Variants in CYP2C8 observed in about 807,000 individuals in gnomAD.
CYP2C8 encodes cytochrome P450 family 2 subfamily C member 8.
A neutral mutation model predicts 41.3 loss-of-function variants in CYP2C8; 51 were observed. That is an observed-to-expected ratio of 1.24 (90% CI 0.99 to 1.56). CYP2C8 has a LOEUF of 1.56. CYP2C8 is among the 40% of genes most tolerant of loss of function. CYP2C8 has a pLI of 0.00. For missense variants in CYP2C8, 651 were observed against 579.9 expected (o/e 1.12, Z -1.26); for synonymous variants, 218 against 205.8 (o/e 1.06, Z -0.51).
chr10:95,042,748 CA>C (rs1282650366), intron 7 of CYP2C8, 141 bp downstream of exon 7: 1 of 750,492 alleles, frequency 1.3e-6, no homozygotes, highest in African/African-American at 1.7e-5. Flanking sequence ...TAGCCCCAAA[CA>C]AAATAGCAGA....
At chr10:95,039,278 C>T in intron 7 of CYP2C8, 1 of 497,158 alleles carries the variant, frequency 2.0e-6, no homozygotes, top group Admixed American at 3.4e-5. Context: ...ATGTGTTCTC[C>T]AGATCATCAA....
In CYP2C8 at chr10:95,067,354, A is replaced by ATTTAT. The variant is rs1472101529; in HGVS notation, c.334_335insATAAA (p.Ile112AsnfsTer47). The ATTTAT allele has an allele frequency of 1.9e-6, 3 of 1,600,146 alleles. No individual in the cohort carries two copies. Among genetic ancestry groups the ATTTAT allele is most frequent in the Non-Finnish European group, 2.5e-6 (3 of 1,177,176 alleles). On this transcript the variant is annotated frameshift_variant, in exon 3 of 9. Coordinates refer to ENST00000371270, the MANE Select transcript of CYP2C8 (RefSeq NM_000770.3). LOFTEE classifies it high-confidence loss of function. ...CCATCTCTTTCCATTGCTGGAAATG[A>ATTTAT]TTCCTAATAAAAAAAGGGGCAGAAA...
chr10:95,066,984 A>G (rs2033582539), intron 3 of CYP2C8, among the ~76,000 whole-genome samples: 1 of 152,208 alleles, frequency 6.6e-6, no homozygotes, highest in African/African-American at 2.4e-5. Context: ...ATAGGATTAA[A>G]TGACCTTTTA....
rs2134445259 is a variant in CYP2C8, at chr10:95,069,460, C to T, written c.-58G>A. The T allele has an allele frequency of 7.4e-7, 1 of 1,350,514 alleles. No individual in the cohort carries two copies. Among genetic ancestry groups the T allele is most frequent in the East Asian group, 2.3e-5 (1 of 43,702 alleles). The allele number at this position is 1,350,514 out of a possible 1,614,324, so 83.7% of individuals were successfully genotyped here. On this transcript the variant is annotated 5_prime_UTR_variant, in exon 1 of 9. Coordinates refer to ENST00000371270, the MANE Select transcript of CYP2C8 (RefSeq NM_000770.3). ...AGCTTGCACTCCAAAGTTTTTATAACACTCCCTGCTAATTTAGTGTGTGTC... is the reference window on the plus strand; with the variant it reads ...AGCTTGCACTCCAAAGTTTTTATAATACTCCCTGCTAATTTAGTGTGTGTC...
intron 4 of CYP2C8, 47 bp downstream of exon 4, chr10:95,064,753 C>A: frequency 6.3e-7 from 1 of 1,579,684 alleles, no homozygotes; most frequent in Non-Finnish European, 8.7e-7. Flanking sequence ...GTCTTCCCTA[C>A]AACCTTGAAT....
intron 5 of CYP2C8, among the ~76,000 whole-genome samples, chr10:95,051,136 A>G (rs2033207934): frequency 6.6e-6 from 1 of 152,164 alleles, no homozygotes; most frequent in South Asian, 2.1e-4. Flanking sequence ...AGATAAACAT[A>G]ACGAAGAGAC....
At chr10:95,037,370 A>G in intron 8 of CYP2C8, 61 bp from the exon 9 acceptor site, 2 of 1,479,108 alleles carry the variant, frequency 1.4e-6, no homozygotes, top group Non-Finnish European at 1.9e-6. Flanking sequence ...TGTGACAAAC[A>G]GTCATTTGTG....
At chr10:95,067,430 T>G (rs1280831429) in intron 2 of CYP2C8, 73 bp from the exon 3 acceptor site, 1 of 1,613,196 alleles carries the variant, frequency 6.2e-7, no homozygotes, top group East Asian at 2.2e-5. Flanking sequence ...TTGGCAGCCA[T>G]GCAGATAGGC....
intron 5 of CYP2C8, among the ~76,000 whole-genome samples, chr10:95,046,748 TAAAAAA>T (rs56702266): frequency 1.0e-4 from 13 of 128,982 alleles, no homozygotes; most frequent in Non-Finnish European, 1.6e-4. Context: ...CTAAATATGG[TAAAAAA>T]AAAAAAAAAA....
At position 95,058,464 on chromosome 10, in the gene CYP2C8, G is replaced by A. The variant is rs754999950; in HGVS notation, c.690C>T (p.His230=). ...PLLIDCFPGT[H]NKVLKNVALT... is the part of the protein sequence containing the mutation. ...GAGCAACATTTTTAAGCACTTTGTT[G>A]TGAGTTCCTGGGAAACAATCAATGA... The change falls in exon 5 of 9, where the codon CAC becomes CAT. Residue 230 remains histidine (H), a synonymous_variant. Transcript: ENST00000371270. The A allele has an allele frequency of 1.9e-6, 3 of 1,613,088 alleles. No individual in the cohort carries two copies. Among genetic ancestry groups the A allele is most frequent in the Non-Finnish European group, 8.5e-7 (1 of 1,179,576 alleles).
intron 4 of CYP2C8, among the ~76,000 whole-genome samples, chr10:95,059,349 A>C (rs369496237): frequency 6.6e-6 from 1 of 152,042 alleles, no homozygotes; most frequent in African/African-American, 2.4e-5. Context: ...ACTGGTGTGA[A>C]ATGGTATCTC....
At position 95,058,465 on chromosome 10, in the gene CYP2C8, TG is replaced by T. The variant is rs2033355603; in HGVS notation, c.688del (p.His230ThrfsTer19). On this transcript the variant is annotated frameshift_variant, in exon 5 of 9. Transcript: ENST00000371270. LOFTEE classifies it high-confidence loss of function. ...AGCAACATTTTTAAGCACTTTGTTGTGAGTTCCTGGGAAACAATCAATGAGT... is the reference window on the plus strand; with the variant it reads ...AGCAACATTTTTAAGCACTTTGTTGTAGTTCCTGGGAAACAATCAATGAGT... The part of the protein sequence containing the change: ...PLLIDCFPGT[H>X]NKVLKNVALT... The T allele has an allele frequency of 6.2e-7, 1 of 1,613,158 alleles. No homozygotes were observed. Among genetic ancestry groups the T allele is most frequent in the Admixed American group, 1.7e-5 (1 of 59,830 alleles).
At position 95,037,274 on chromosome 10, in the gene CYP2C8, T is replaced by G. The variant is rs369600584; in HGVS notation, c.1327A>C (p.Met443Leu). The change falls in exon 9 of 9, where the codon ATG (methionine) becomes CTG (leucine). Residue 443 changes from methionine (M) to leucine (L), a missense_variant. By Grantham distance (15) the Met-to-Leu change is conservative. Transcript: ENST00000371270. The stretch of plus-strand genomic sequence containing the variant: ...GTGGTTAGAAATAAAAATAGCTCCA[T>G]GCGGGCAAGTCCTTCTCCTGCACAA... The part of the protein sequence containing the change: ...RICAGEGLAR[M>L]ELFLFLTTIL... The G allele has an allele frequency of 1.2e-5, 19 of 1,613,594 alleles. No homozygotes were observed. Among genetic ancestry groups the G allele is most frequent in the Non-Finnish European group, 1.5e-5 (18 of 1,179,820 alleles).
intron 5 of CYP2C8, 138 bp from the exon 6 acceptor site, chr10:95,046,089 G>A: frequency 1.1e-6 from 1 of 911,332 alleles, no homozygotes; most frequent in East Asian, 2.7e-5. Context: ...AAGCAACTGT[G>A]TGGTATGGCA....
At chr10:95,052,800 T>C (rs1237455919) in intron 5 of CYP2C8, among the ~76,000 whole-genome samples, 1 of 152,010 alleles carries the variant, frequency 6.6e-6, no homozygotes, top group Non-Finnish European at 1.5e-5. Context: ...TACCTCACCA[T>C]AGTAAAAGCT....
chr10:95,069,396 G>A lies in CYP2C8; in HGVS notation c.7C>T (p.Pro3Ser). 1.9e-6 allele frequency: 3 copies of A among 1,614,058 alleles called. No individual in the cohort carries two copies. Among genetic ancestry groups the A allele is most frequent in the Non-Finnish European group, 2.5e-6 (3 of 1,179,958 alleles). The part of the protein sequence containing the change: ME[P>S]FVVLVLCLSF... ...AGACACAGCACCAGGACCACAAAAG[G>A]TTCCATTGAAGCCTTCTCTTCTTAT... The change falls in exon 1 of 9, where the codon CCT becomes TCT. Residue 3 changes from proline to serine, a missense_variant. By Grantham distance (74) the Pro-to-Ser change is moderately conservative (BLOSUM62 -1). Transcript: ENST00000371270.
chr10:95,059,892 G>GCTGGGA (rs1348818436), intron 4 of CYP2C8, among the ~76,000 whole-genome samples: 3 of 152,062 alleles, frequency 2.0e-5, no homozygotes, highest in Non-Finnish European at 4.4e-5. Context: ...AACATTTGTT[G>GCTGGGA]AATAGGGAAT....
At chr10:95,040,771 C>T (rs1835109363) in intron 7 of CYP2C8, among the ~76,000 whole-genome samples, 1 of 152,154 alleles carries the variant, frequency 6.6e-6, no homozygotes, top group Admixed American at 6.5e-5. Context: ...GATAAATGTT[C>T]TCTGAAATTC....
At chr10:95,053,721 C>T (rs2033255380) in intron 5 of CYP2C8, among the ~76,000 whole-genome samples, 1 of 151,800 alleles carries the variant, frequency 6.6e-6, no homozygotes, top group Non-Finnish European at 1.5e-5. Context: ...ACAATGAGAA[C>T]ACATGGACAC....
Sources: allele counts gnomAD v4.1 joint callset (sites outside exome capture counted in the v4.1 genomes callset), GRCh38; gene constraint gnomAD v4.1.1; transcripts MANE v1.5; gene names NCBI Gene and HGNC (gene_info 2026-07-23, HGNC 2026-07-21).